The following NOTCH2 variants were observed in gnomAD, a reference collection of about 807,000 sequenced individuals.
The protein encoded by NOTCH2 is neurogenic locus notch homolog protein 2.
A neutral mutation model predicts 235.8 loss-of-function variants in NOTCH2; 29 were observed. The observed-to-expected ratio is 0.12, with a 90% confidence interval of 0.09 to 0.17. The LOEUF (loss-of-function observed/expected upper bound fraction) is 0.17. Among genes scored for constraint, NOTCH2 ranks in the 10% least tolerant of loss-of-function variants. NOTCH2 has a pLI of 1.00. For synonymous variants in NOTCH2, 1,086 were observed against 1,141.5 expected (o/e 0.95, Z 0.98); for missense variants, 2,285 against 3,150.2 (o/e 0.73, Z 6.57).
Position 119,921,806 on chromosome 1 carries a change from A to C in NOTCH2, c.5217T>G (p.Asn1739Lys). 1 of 1,610,800 alleles carries C rather than the reference A, an allele frequency of 6.2e-7. No homozygotes were observed. Among genetic ancestry groups the C allele is most frequent in the East Asian group, 2.2e-5 (1 of 44,864 alleles). ...PVGQDAVGLK[N>K]LSVQVSEANL... Reference sequence around the variant, plus strand: ...TAGCTTCTGAGACTTGCACTGAGAGATTTCTAATATGATTATAAAAAGAAA... The same window carrying C: ...TAGCTTCTGAGACTTGCACTGAGAGCTTTCTAATATGATTATAAAAAGAAA... Residue 1739 changes from asparagine (N) to lysine (K), a missense_variant, in exon 29 of 34, where the codon AAT becomes AAG. Transcript: ENST00000256646.
chr1:119,994,095 GAAAT>G (rs1248925492), intron 4 of NOTCH2: 149 of 47,498 alleles, frequency 3.1e-3, no homozygotes, highest in African/African-American at 0.011. Flanking sequence ...TTTTAGAACT[GAAAT>G]AATAATTCTC....
At chr1:120,017,891 C>A (rs868992754) in intron 2 of NOTCH2, among the ~76,000 whole-genome samples, 1 of 151,690 alleles carries the variant, frequency 6.6e-6, no homozygotes, top group East Asian at 1.9e-4. Context: ...CATAAACCAC[C>A]AGGGACCTGG....
At chr1:119,932,607 A>ATATCTATC (rs61476083) in intron 22 of NOTCH2, among the ~76,000 whole-genome samples, 4,432 of 148,414 alleles carry the variant, frequency 0.03, 79 homozygotes, top group East Asian at 0.052. Flanking sequence ...AAACAAACAA[A>ATATCTATC]TATCTATCTA....
rs1034013158 is a variant in NOTCH2, at chr1:119,921,745, C to T, written c.5278G>A (p.Asp1760Asn). 9.9e-6 allele frequency: 16 copies of T among 1,614,024 alleles called. No individual in the cohort carries two copies. Among genetic ancestry groups the T allele is most frequent in the African/African-American group, 2.7e-5 (2 of 74,918 alleles). Residue 1760 changes from aspartate (D) to asparagine (N), a missense_variant, in exon 29 of 34, where the codon GAT becomes AAT. Coordinates refer to ENST00000256646, the MANE Select transcript of NOTCH2 (RefSeq NM_024408.4). ...TTCTTTGGCTGGGGCCCTTCATCATCGACCCAGTGTTCACTTGTTCCAGTA... is the reference window on the plus strand; with the variant it reads ...TTCTTTGGCTGGGGCCCTTCATCATTGACCCAGTGTTCACTTGTTCCAGTA... ...IGTGTSEHWV[D>N]DEGPQPKKVK...
At chr1:119,940,841 C>T (rs1570677008) in intron 18 of NOTCH2, 85 bp from the exon 19 acceptor site, 4 of 1,227,076 alleles carry the variant, frequency 3.3e-6, no homozygotes, top group Non-Finnish European at 4.7e-6. Flanking sequence ...AATCTAAGAT[C>T]ATACAGAGGC....
chr1:119,969,869 G>A (rs1245003003), intron 5 of NOTCH2, 125 bp from the exon 6 acceptor site: 3 of 857,866 alleles, frequency 3.5e-6, no homozygotes, highest in African/African-American at 3.3e-5. Context: ...AGCTCCAGAA[G>A]GCTGGGTCTT....
intron 2 of NOTCH2, among the ~76,000 whole-genome samples, chr1:120,014,647 G>C (rs1653358172): frequency 8.1e-6 from 1 of 124,118 alleles, no homozygotes; most frequent in South Asian, 2.9e-4. Flanking sequence ...GCCTGGATTA[G>C]TTTACATGTA....
At position 119,967,426 on chromosome 1, in the gene NOTCH2, C is replaced by G. The variant is rs782513711; in HGVS notation, c.1453+7G>C. ...TCTAGACCCAACATGCTGATGGGCC[C>G]ATTTACCTGGCATGCACAGACATGT... On this transcript the variant is annotated splice_region_variant and intron_variant, in intron 8 of 33. Transcript: ENST00000256646. The G allele has an allele frequency of 6.2e-7, 1 of 1,613,482 alleles. No individual in the cohort carries two copies. The highest frequency in any genetic ancestry group is 8.5e-7 in the Non-Finnish European group (1 of 1,179,566).
chr1:119,971,859 T>G (rs1651373341), intron 5 of NOTCH2, among the ~76,000 whole-genome samples: 1 of 152,218 alleles, frequency 6.6e-6, no homozygotes, highest in Non-Finnish European at 1.5e-5. Flanking sequence ...GAGATGCCTC[T>G]TGCAACAGGT....
chr1:119,950,937 A>T, intron 14 of NOTCH2, 100 bp from the exon 15 acceptor site: 1 of 791,292 alleles, frequency 1.3e-6, no homozygotes, highest in East Asian at 2.4e-5. Flanking sequence ...ACACATCAGA[A>T]ATTGCATTCA....
Position 119,919,537 on chromosome 1 carries a change from C to T in NOTCH2, c.5556G>A (p.Glu1852=). 6.2e-7 allele frequency: 1 copy of T among 1,613,964 alleles called. No individual in the cohort carries two copies. Among genetic ancestry groups the T allele is most frequent in the South Asian group, 1.1e-5 (1 of 91,072 alleles). ...CTGTGATGATGTTAGCAGAAGAGTC[C>T]TCTGCATCTTCATCTTCATCACTCA... ...SDLSDEDEDA[E]DSSANIITDL... The change falls in exon 31 of 34, where the codon GAG becomes GAA. Residue 1852 remains glutamate (E), a synonymous_variant. Transcript: ENST00000256646.
At chr1:119,943,425 T>G (rs1243419393) in intron 17 of NOTCH2, among the ~76,000 whole-genome samples, 1 of 152,028 alleles carries the variant, frequency 6.6e-6, no homozygotes, top group Non-Finnish European at 1.5e-5. Context: ...TCAATAAGAA[T>G]GAAAAAAACC....
chr1:119,969,398 T>C, intron 6 of NOTCH2, 113 bp downstream of exon 6: 1 of 893,554 alleles, frequency 1.1e-6, no homozygotes, highest in Non-Finnish European at 1.8e-6. Flanking sequence ...CTGAGTGATA[T>C]GTTCCCATAG....
chr1:119,945,225 TATAG>T (rs1303798359), intron 17 of NOTCH2, among the ~76,000 whole-genome samples: 9 of 152,070 alleles, frequency 5.9e-5, no homozygotes, highest in South Asian at 2.1e-4. Context: ...TGGTAGTGAA[TATAG>T]ATAAAGTTTT....
At position 119,912,436 on chromosome 1, in the gene NOTCH2, A is replaced by G. The variant is rs1280554710; in HGVS notation, c.*2870T>C. The G allele has an allele frequency of 4.3e-6, 1 of 233,486 alleles. No homozygotes were observed. The highest frequency in any genetic ancestry group is 2.2e-5 in the African/African-American group (1 of 45,468). 14.5% of individuals were successfully genotyped at this position (233,486 alleles called of 1,614,324 possible). A position where few individuals can be genotyped will look rare whatever the true frequency, so the allele number is the denominator to read the frequency against. On this transcript the variant is annotated 3_prime_UTR_variant, in exon 34 of 34. Coordinates refer to ENST00000256646, the MANE Select transcript of NOTCH2 (RefSeq NM_024408.4). Reference sequence around the variant, plus strand: ...CAAAAATTACAAATTGGCAAATTCAATAAGAGGATGCAATGGATTTGAGCA... The same window carrying G: ...CAAAAATTACAAATTGGCAAATTCAGTAAGAGGATGCAATGGATTTGAGCA...
At chr1:119,987,471 A>T (rs1652064614) in intron 4 of NOTCH2, among the ~76,000 whole-genome samples, 1 of 152,178 alleles carries the variant, frequency 6.6e-6, no homozygotes, top group South Asian at 2.1e-4. Context: ...AATATTACCT[A>T]ATTAAATTTA....
chr1:119,948,333 G>T, intron 17 of NOTCH2, 81 bp downstream of exon 17: 2 of 1,509,638 alleles, frequency 1.3e-6, no homozygotes, highest in Non-Finnish European at 1.8e-6. Flanking sequence ...CGTGAAAGGC[G>T]GCAGCCTCCA....
intron 2 of NOTCH2, among the ~76,000 whole-genome samples, chr1:120,028,458 C>T (rs1392854468): frequency 1.3e-5 from 2 of 152,022 alleles, no homozygotes; most frequent in African/African-American, 4.8e-5. Flanking sequence ...TTTCCCCCAG[C>T]TAGAAAAACT....
chr1:120,069,461 T>A lies in NOTCH2; in HGVS notation c.-55A>T. ...CCGCCGCCGCCTGGGCAGATCCACA[T>A]GGGGAGGGGGTCCCGATAGAGGAGC... On this transcript the variant is annotated 5_prime_UTR_variant, in exon 1 of 34. An upstream start codon of the reference 5' UTR is lost. Transcript: ENST00000256646. The A allele has an allele frequency of 2.6e-6, 4 of 1,515,286 alleles. No individual in the cohort carries two copies. Among genetic ancestry groups the A allele is most frequent in the Non-Finnish European group, 3.5e-6 (4 of 1,140,310 alleles). The allele number at this position is 1,515,286 out of a possible 1,614,324, so 93.9% of individuals were successfully genotyped here. A position where few individuals can be genotyped will look rare whatever the true frequency, so the allele number is the denominator to read the frequency against.
Sources: gnomAD v4.1 joint callset for allele counts (sites outside exome capture counted in the v4.1 genomes callset) on GRCh38, gnomAD v4.1.1 for gene constraint, MANE v1.5 for transcripts, NCBI Gene and HGNC (gene_info 2026-07-23, HGNC 2026-07-21) for gene names.